Variants in CNTNAP2 observed in about 807,000 individuals in gnomAD.
CNTNAP2 encodes the protein contactin associated protein 2.
A neutral mutation model predicts 155.2 loss-of-function variants in CNTNAP2; 98 were observed. That is an observed-to-expected ratio of 0.63 (90% CI 0.54 to 0.75). The LOEUF is 0.75. Among genes scored for constraint, CNTNAP2 ranks in the 30% least tolerant of loss-of-function variants. The pLI is 0.00. For missense variants in CNTNAP2, 1,727 were observed against 1,688.1 expected (o/e 1.02, Z -0.40); for synonymous variants, 651 against 631.2 (o/e 1.03, Z -0.47).
chr7:146,564,216 C>T (rs1057461017), intron 1 of CNTNAP2, among the ~76,000 whole-genome samples: 2 of 152,014 alleles, frequency 1.3e-5, no homozygotes, highest in Admixed American at 1.3e-4. Context: ...AAAGTAGGGG[C>T]TAATAATGAT....
chr7:147,981,859 C>G (rs540226427), intron 15 of CNTNAP2, among the ~76,000 whole-genome samples: 1 of 147,826 alleles, frequency 6.8e-6, no homozygotes, highest in East Asian at 2.0e-4. Flanking sequence ...CAAAGCCTAT[C>G]CAAATGGAAA....
chr7:148,020,322 A>G (rs897241474), intron 15 of CNTNAP2, among the ~76,000 whole-genome samples: 1 of 152,206 alleles, frequency 6.6e-6, no homozygotes, highest in Non-Finnish European at 1.5e-5. Context: ...AAGAAAAACA[A>G]GGGTAATTCA....
chr7:147,092,557 T>C (rs569600170), intron 4 of CNTNAP2, among the ~76,000 whole-genome samples: 2 of 152,340 alleles, frequency 1.3e-5, no homozygotes, highest in East Asian at 3.9e-4. Context: ...GAGAGATTAA[T>C]GTTCCTATTC....
intron 19 of CNTNAP2, among the ~76,000 whole-genome samples, chr7:148,222,263 T>A (rs1452670686): frequency 1.3e-5 from 2 of 152,250 alleles, no homozygotes; most frequent in Non-Finnish European, 2.9e-5. Context: ...CTGGGTAATT[T>A]ATAAAGAAAA....
intron 3 of CNTNAP2, among the ~76,000 whole-genome samples, chr7:146,946,127 C>CTTCCTTCCTTCCTTTCTTCT: frequency 6.8e-6 from 1 of 147,756 alleles, no homozygotes; most frequent in South Asian, 2.1e-4. Context: ...TCCTTCTTTC[C>CTTCCTTCCTTCCTTTCTTCT]TTCCTTCCTT....
intron 1 of CNTNAP2, among the ~76,000 whole-genome samples, chr7:146,663,313 G>GA (rs1800128781): frequency 1.6e-5 from 2 of 127,708 alleles, no homozygotes; most frequent in Admixed American, 7.7e-5. Flanking sequence ...GAAAGAAAAA[G>GA]AAAGGAAAAA....
rs182683247 is a variant in CNTNAP2 at position 146,441,494 on chromosome 7, G to A, written c.97+324521G>A. Among the ~76,000 whole-genome samples the A allele has an allele frequency of 1.1e-4, 17 of 151,492 alleles. 1 individual carries two copies. Among genetic ancestry groups the A allele is most frequent in the Admixed American group, 1.1e-3 (17 of 15,262 alleles). On this transcript the variant is annotated intron_variant, in intron 1 of 23. Transcript: ENST00000361727. ...CCTTTCATTTAAAGTGGCCCTCTCT[G>A]CTGCTGATTACATGCATGGCCATGG...
At chr7:146,449,228 G>T (rs1796443949) in intron 1 of CNTNAP2, among the ~76,000 whole-genome samples, 1 of 151,910 alleles carries the variant, frequency 6.6e-6, no homozygotes, top group Non-Finnish European at 1.5e-5. Flanking sequence ...ATTGGTTTCA[G>T]GAATGTTTAT....
intron 1 of CNTNAP2, among the ~76,000 whole-genome samples, chr7:146,577,587 A>G (rs1249174266): frequency 6.6e-6 from 1 of 152,072 alleles, no homozygotes. Context: ...GAAAATTTTC[A>G]ACTTAAAAAA....
intron 13 of CNTNAP2, among the ~76,000 whole-genome samples, chr7:147,717,462 T>C (rs1434094012): frequency 1.3e-5 from 2 of 152,114 alleles, no homozygotes; most frequent in Non-Finnish European, 2.9e-5. Context: ...TTCATGGAAA[T>C]GGGAACCAGA....
intron 1 of CNTNAP2, among the ~76,000 whole-genome samples, chr7:146,686,394 TC>T (rs1312766789): frequency 6.6e-6 from 1 of 152,158 alleles, no homozygotes; most frequent in Non-Finnish European, 1.5e-5. Context: ...GCAACATATT[TC>T]CATGGCTACT....
intron 11 of CNTNAP2, among the ~76,000 whole-genome samples, chr7:147,490,602 G>A (rs568507830): frequency 3.9e-5 from 6 of 152,252 alleles, no homozygotes; most frequent in Admixed American, 6.5e-5. Context: ...TTATTGGCAC[G>A]AAGAAACTTG....
chr7:146,269,052 A>G (rs2129082977), intron 1 of CNTNAP2, among the ~76,000 whole-genome samples: 1 of 152,270 alleles, frequency 6.6e-6, no homozygotes, highest in Middle Eastern at 3.4e-3. Context: ...TGGGGACATA[A>G]GAGGGTGGGC....
At chr7:147,040,981 ATCTG>A (rs1294768702) in intron 3 of CNTNAP2, among the ~76,000 whole-genome samples, 1 of 152,038 alleles carries the variant, frequency 6.6e-6, no homozygotes, top group Non-Finnish European at 1.5e-5. Flanking sequence ...GAAATATCAA[ATCTG>A]TCTTTTATTT....
At chr7:146,480,990 G>A (rs919786918) in intron 1 of CNTNAP2, among the ~76,000 whole-genome samples, 1 of 147,958 alleles carries the variant, frequency 6.8e-6, no homozygotes, top group Non-Finnish European at 1.5e-5. Flanking sequence ...CCCAGAACCT[G>A]GTATATTAAT....
At chr7:146,919,533 T>C (rs190085729) in intron 3 of CNTNAP2, among the ~76,000 whole-genome samples, 20 of 152,330 alleles carry the variant, frequency 1.3e-4, no homozygotes, top group Non-Finnish European at 2.5e-4. Context: ...TCCTGTGATG[T>C]GATCCATCTT....
intron 1 of CNTNAP2, among the ~76,000 whole-genome samples, chr7:146,682,014 A>G (rs1035955008): frequency 1.4e-5 from 2 of 145,910 alleles, no homozygotes; most frequent in Admixed American, 1.4e-4. Flanking sequence ...ACAGAAACAC[A>G]TGTATAAGCT....
At chr7:147,235,826 G>T (rs1803788083) in intron 8 of CNTNAP2, among the ~76,000 whole-genome samples, 2 of 152,028 alleles carry the variant, frequency 1.3e-5, no homozygotes, top group African/African-American at 4.8e-5. Context: ...ATTCTTCAAG[G>T]TCCTCCCAGT....
At chr7:147,650,188 A>T (rs1482784779) in intron 13 of CNTNAP2, among the ~76,000 whole-genome samples, 1 of 152,210 alleles carries the variant, frequency 6.6e-6, no homozygotes, top group Non-Finnish European at 1.5e-5. Flanking sequence ...ATTTTTGAAA[A>T]TACCTCCCCT....
Sources: allele counts gnomAD v4.1 joint callset (sites outside exome capture counted in the v4.1 genomes callset), GRCh38; gene constraint gnomAD v4.1.1; transcripts MANE v1.5; gene names NCBI Gene and HGNC (gene_info 2026-07-23, HGNC 2026-07-21).